RLIM: variants seen among roughly 807,000 people sequenced by gnomAD.
The protein encoded by RLIM is ring finger protein, LIM domain interacting.
Under a neutral mutation model 34.0 loss-of-function variants are expected in RLIM, and 2 were observed. That is an observed-to-expected ratio of 0.06 (90% confidence interval 0.02 to 0.19). The LOEUF is 0.19. Ranked by LOEUF, RLIM falls within the 10% of genes least tolerant of loss-of-function variation. The pLI is 1.00. For missense variants in RLIM, 286 were observed against 479.7 expected (o/e 0.60, Z 3.77); for synonymous variants, 169 against 164.0 (o/e 1.03, Z -0.23).
Position 74,591,193 on chromosome X carries a change from A to G in RLIM, c.*247T>C, listed in dbSNP as rs778479669. ...AAGTGTATATGATAAATTATCAGTA[A>G]CAGTGATGCTACCAATTTAACTGGT... On this transcript the variant is annotated 3_prime_UTR_variant, in exon 4 of 4. Transcript: ENST00000332687. 19 of 361,399 alleles carry G rather than the reference A, an allele frequency of 5.3e-5. No individual in the cohort carries two copies. The highest frequency in any genetic ancestry group is 8.6e-5 in the Non-Finnish European group (18 of 208,731). 29.8% of individuals were successfully genotyped at this position (361,399 alleles called of 1,213,427 possible). A position where few individuals can be genotyped will look rare whatever the true frequency, so the allele number is the denominator to read the frequency against.
intron 1 of RLIM, among the ~76,000 whole-genome samples, chrX:74,602,445 T>C (rs1427715183): frequency 2.7e-5 from 3 of 111,419 alleles, no homozygotes; most frequent in Non-Finnish European, 5.6e-5. Flanking sequence ...ATAGTACATG[T>C]AGAAGGCCGG....
chrX:74,595,788 C>T (rs757161473), intron 2 of RLIM, 21 bp downstream of exon 2: 4 of 1,140,649 alleles, frequency 3.5e-6, no homozygotes, highest in Non-Finnish European at 4.7e-6. Context: ...CTTATAAATC[C>T]TTAAATATAT....
chrX:74,607,688 G>A (rs1157987756), intron 1 of RLIM, among the ~76,000 whole-genome samples: 1 of 112,544 alleles, frequency 8.9e-6, no homozygotes, highest in Admixed American at 9.4e-5. Context: ...CAGCCTGGGT[G>A]ACAGAGCGAG....
intron 1 of RLIM, among the ~76,000 whole-genome samples, chrX:74,604,232 A>C (rs926135102): frequency 8.9e-6 from 1 of 112,039 alleles, no homozygotes; most frequent in Admixed American, 9.5e-5. Context: ...TTGGATGCTA[A>C]ATTTTCGACA....
At chrX:74,596,077 C>A in intron 1 of RLIM, 77 bp from the exon 2 acceptor site, 1 of 617,056 alleles carries the variant, frequency 1.6e-6, no homozygotes, top group Non-Finnish European at 2.4e-6. Flanking sequence ...ATGTGAAAAT[C>A]CAGAATGTAG....
intron 1 of RLIM, among the ~76,000 whole-genome samples, chrX:74,599,108 T>A (rs2079651247): frequency 8.9e-6 from 1 of 111,990 alleles, no homozygotes; most frequent in African/African-American, 3.2e-5. Context: ...CTCTCTTTTG[T>A]GTGACAATAT....
chrX:74,608,533 G>A (rs2079692853), intron 1 of RLIM, among the ~76,000 whole-genome samples: 1 of 111,121 alleles, frequency 9.0e-6, no homozygotes, highest in South Asian at 3.7e-4. Context: ...TTCCAAGAGT[G>A]GCCTATCAGA....
intron 1 of RLIM, among the ~76,000 whole-genome samples, chrX:74,606,910 C>T (rs370728207): frequency 9.0e-5 from 10 of 110,919 alleles, no homozygotes; most frequent in East Asian, 2.8e-4. Context: ...TCGAGGTCGG[C>T]GGATCGCTTG....
intron 1 of RLIM, among the ~76,000 whole-genome samples, chrX:74,599,804 C>T (rs1284659904): frequency 2.7e-5 from 3 of 111,012 alleles, no homozygotes; most frequent in Admixed American, 1.9e-4. Context: ...TAGGACAATA[C>T]GAAAAAATTT....
At chrX:74,610,618 G>A (rs779738459) in intron 1 of RLIM, among the ~76,000 whole-genome samples, 12 of 110,725 alleles carry the variant, frequency 1.1e-4, no homozygotes, top group South Asian at 3.8e-4. Flanking sequence ...TTGGCCAGTC[G>A]CGGTGGCTCA....
chrX:74,589,109 G>T lies in RLIM; in HGVS notation c.*2331C>A, dbSNP rs1482162678. 1 of 111,765 alleles carries T rather than the reference G, an allele frequency of 8.9e-6. No homozygotes were observed. The highest frequency in any genetic ancestry group is 1.9e-5 in the Non-Finnish European group (1 of 53,191). 9.2% of individuals were successfully genotyped at this position (111,765 alleles called of 1,213,427 possible). On this transcript the variant is annotated 3_prime_UTR_variant, in exon 4 of 4. Transcript: ENST00000332687. ...CATTCATAGCCAGCATTCTGCTTGA[G>T]TTACCTCTTACTTTAATACTTCACA... is the stretch of plus-strand genomic sequence containing the variant.
chrX:74,610,394 G>C (rs900462003), intron 1 of RLIM, among the ~76,000 whole-genome samples: 38 of 108,510 alleles, frequency 3.5e-4, no homozygotes, highest in African/African-American at 1.3e-3. Flanking sequence ...TCCAGCCTGG[G>C]CGACAGAGCA....
intron 1 of RLIM, among the ~76,000 whole-genome samples, chrX:74,603,793 T>C (rs1490511221): frequency 1.8e-5 from 2 of 111,750 alleles, no homozygotes; most frequent in African/African-American, 3.2e-5. Context: ...ATGTATCTTA[T>C]TGACTCAACA....
intron 1 of RLIM, among the ~76,000 whole-genome samples, chrX:74,611,049 C>T (rs948164353): frequency 9.0e-6 from 1 of 111,543 alleles, no homozygotes; most frequent in Non-Finnish European, 1.9e-5. Context: ...TTATATTGGA[C>T]ATCAGAACTT....
chrX:74,601,175 G>A (rs193285914), intron 1 of RLIM, among the ~76,000 whole-genome samples: 2 of 112,116 alleles, frequency 1.8e-5, no homozygotes, highest in East Asian at 5.6e-4. Flanking sequence ...ATTAACAGAA[G>A]ACGGAAGAGT....
intron 2 of RLIM, 104 bp downstream of exon 2, chrX:74,595,705 A>G (rs2079636721): frequency 7.3e-6 from 4 of 549,164 alleles, no homozygotes; most frequent in South Asian, 4.5e-5. Context: ...ATGTTAAATA[A>G]TATTTCATAA....
intron 1 of RLIM, among the ~76,000 whole-genome samples, chrX:74,606,648 T>G (rs1436886201): frequency 8.9e-6 from 1 of 111,950 alleles, no homozygotes; most frequent in Non-Finnish European, 1.9e-5. Flanking sequence ...TACTAACAGG[T>G]CAGGAGACCT....
chrX:74,595,016 T>A (rs759930055), intron 2 of RLIM, among the ~76,000 whole-genome samples: 1 of 110,725 alleles, frequency 9.0e-6, no homozygotes, highest in East Asian at 2.8e-4. Flanking sequence ...GAGTCCAGCC[T>A]GGGCAACATG....
Position 74,614,594 on chromosome X carries a change from T to C in RLIM, c.-196A>G, listed in dbSNP as rs2079730327. The C allele has an allele frequency of 8.9e-6, 1 of 111,868 alleles. No homozygotes were observed. Among genetic ancestry groups the C allele is most frequent in the African/African-American group, 3.3e-5 (1 of 30,741 alleles). 9.2% of individuals were successfully genotyped at this position (111,868 alleles called of 1,213,427 possible). ...GCTCAGGCAGCCATTATCTTCCCCA[T>C]TGTTACCAAGCAGCGACAGGAAACG... is the stretch of plus-strand genomic sequence containing the variant. On this transcript the variant is annotated 5_prime_UTR_variant, in exon 1 of 4. An upstream start codon of the reference 5' UTR is lost. Coordinates refer to ENST00000332687, the MANE Select transcript of RLIM (RefSeq NM_016120.4).
Sources: allele counts gnomAD v4.1 joint callset (sites outside exome capture counted in the v4.1 genomes callset), GRCh38; gene constraint gnomAD v4.1.1; transcripts MANE v1.5; gene names NCBI Gene and HGNC (gene_info 2026-07-23, HGNC 2026-07-21).